Variants in MOV10 observed in about 807,000 individuals in gnomAD.
MOV10 encodes the protein RNA helicase MOV-10.
Under a neutral mutation model 108.4 loss-of-function variants are expected in MOV10, and 39 were observed. The ratio of observed to expected loss-of-function variants is 0.36; its 90% CI spans 0.28 to 0.47. MOV10 has a LOEUF of 0.47. MOV10 is among the 20% of genes least tolerant of loss of function. The pLI, the probability that MOV10 is intolerant of heterozygous loss-of-function variation, is 1.00. For missense variants in MOV10, 952 were observed against 1,297.6 expected, an observed-to-expected ratio of 0.73 and a Z score of 4.09; for synonymous variants, 490 against 523.1, an observed-to-expected ratio of 0.94 and a Z score of 0.86.
At chr1:112,681,392 G>A (rs1672638348) in intron 2 of MOV10, among the ~76,000 whole-genome samples, 1 of 152,042 alleles carries the variant, frequency 6.6e-6, no homozygotes, top group Non-Finnish European at 1.5e-5. Context: ...TACTCGGGAG[G>A]CTGAGGCAGG....
At chr1:112,682,477 C>T (rs375662425) in intron 2 of MOV10, among the ~76,000 whole-genome samples, 3 of 152,106 alleles carry the variant, frequency 2.0e-5, no homozygotes, top group African/African-American at 4.8e-5. Flanking sequence ...ACCACTGTGC[C>T]GGGCCTTTAA....
In MOV10 at chr1:112,675,443, G is replaced by A. The variant is rs533593793; in HGVS notation, c.137+394G>A. Among the ~76,000 whole-genome samples the A allele has an allele frequency of 1.8e-4, 28 of 152,352 alleles. No individual in the cohort carries two copies. The highest frequency in any genetic ancestry group is 6.5e-4 in the African/African-American group (27 of 41,592). ...AGGCATCGCGGGAGCGCGGGTTAGA[G>A]GCTGCCTGTTGGGGGCTGCGAGCCC... On this transcript the variant is annotated intron_variant, in intron 2 of 20. Coordinates refer to ENST00000369645, the MANE Select transcript of MOV10 (RefSeq NM_001321324.2). This position sits in a 1 kb window ranked among gnomAD's most constrained non-coding sequence, Gnocchi z 4.7.
At chr1:112,696,605 T>C (rs769530814) in intron 13 of MOV10, 25 bp from the exon 14 acceptor site, 2 of 1,613,542 alleles carry the variant, frequency 1.2e-6, no homozygotes, top group South Asian at 1.1e-5. Flanking sequence ...CTTACCTTTC[T>C]TCCCACACCT....
intron 16 of MOV10, 57 bp from the exon 17 acceptor site, chr1:112,698,658 C>A: frequency 6.4e-7 from 1 of 1,556,518 alleles, no homozygotes; most frequent in Non-Finnish European, 8.9e-7. Context: ...TCCTGCCAGG[C>A]TCCCTCTTGC....
At chr1:112,676,080 T>C (rs959816592) in intron 2 of MOV10, among the ~76,000 whole-genome samples, 4 of 152,206 alleles carry the variant, frequency 2.6e-5, no homozygotes, top group Non-Finnish European at 4.4e-5. Context: ...TCGTTTTCAC[T>C]AATGGTTATC....
chr1:112,698,500 A>G (rs1192177563), intron 16 of MOV10, 22 bp downstream of exon 16: 1 of 1,610,642 alleles, frequency 6.2e-7, no homozygotes, highest in Admixed American at 1.7e-5. Flanking sequence ...AGTTACCAGC[A>G]AGGGTGGGGC....
At position 112,694,928 on chromosome 1, in the gene MOV10, CT is replaced by C. The variant is rs1275990593; in HGVS notation, c.1620+33del. On this transcript the variant is annotated intron_variant, in intron 10 of 20. Transcript: ENST00000369645. The surrounding 1 kb of genome is among the most constrained non-coding windows in gnomAD (Gnocchi z 4.1). Reference sequence around the variant, plus strand: ...TCTGAGCACAAACCTGGGGCCTGCACTCTGATTCCCCCAGCACCAAGCAGTT... The same window carrying C: ...TCTGAGCACAAACCTGGGGCCTGCACCTGATTCCCCCAGCACCAAGCAGTT... 3 of 1,599,254 alleles carry C rather than the reference CT, an allele frequency of 1.9e-6. No homozygotes were observed. Among genetic ancestry groups the C allele is most frequent in the Non-Finnish European group, 2.6e-6 (3 of 1,170,114 alleles).
intron 17 of MOV10, chr1:112,699,246 T>C: frequency 4.4e-6 from 1 of 226,738 alleles, no homozygotes; most frequent in Non-Finnish European, 8.6e-6. Context: ...TGGTAGTTTT[T>C]ACAGCTTCTC....
intron 3 of MOV10, 94 bp downstream of exon 3, chr1:112,689,232 G>A: frequency 7.4e-7 from 1 of 1,358,248 alleles, no homozygotes; most frequent in South Asian, 1.3e-5. Flanking sequence ...TTACACAAGT[G>A]GGAATAAGTC....
At chr1:112,681,241 C>G (rs568570676) in intron 2 of MOV10, among the ~76,000 whole-genome samples, 1 of 152,074 alleles carries the variant, frequency 6.6e-6, no homozygotes, top group Non-Finnish European at 1.5e-5. Flanking sequence ...CCTGTAATCC[C>G]AGCACTTTGG....
chr1:112,690,927 A>T (rs1673523710), intron 5 of MOV10, among the ~76,000 whole-genome samples: 1 of 152,220 alleles, frequency 6.6e-6, no homozygotes, highest in African/African-American at 2.4e-5. Flanking sequence ...ATGGAAGCGT[A>T]GGATATGTGT....
chr1:112,689,978 C>A lies in MOV10; in HGVS notation c.716C>A (p.Ala239Asp). The change falls in exon 5 of 21, where the codon GCT becomes GAT. Residue 239 changes from alanine to aspartate, a missense_variant. This residue lies in a region of MOV10 where 374 missense variants were observed against 468.6 expected (regional missense o/e 0.80). Coordinates refer to ENST00000369645, the MANE Select transcript of MOV10 (RefSeq NM_001321324.2). ...AGTFYIARFL[A>D]AVAHSPLAAQ... The stretch of plus-strand genomic sequence containing the variant: ...ACATTCTACATTGCCCGCTTCTTGG[C>A]TGCCGTCGCCCACAGCCCCCTGGCT... The A allele has an allele frequency of 6.2e-7, 1 of 1,614,146 alleles. No individual in the cohort carries two copies. The highest frequency in any genetic ancestry group is 8.5e-7 in the Non-Finnish European group (1 of 1,180,042).
chr1:112,695,493 G>T lies in MOV10; in HGVS notation c.1698G>T (p.Arg566Ser), dbSNP rs773296247. Residue 566 changes from arginine (R) to serine (S), a missense_variant, in exon 11 of 21, where the codon AGG becomes AGT. Physicochemically the swap from Arg to Ser is moderately radical, Grantham distance 110. This residue lies in a region of MOV10 where 453 missense variants were observed against 611.5 expected (regional missense o/e 0.74). Coordinates refer to ENST00000369645, the MANE Select transcript of MOV10 (RefSeq NM_001321324.2). ...SNSGADLLCQ[R>S]LRVHLPSSIY... ...CAGGGGCTGACCTACTCTGTCAAAGGCTCCGGGTCCACCTTCCTAGCTCCA... is the reference window on the plus strand; with the variant it reads ...CAGGGGCTGACCTACTCTGTCAAAGTCTCCGGGTCCACCTTCCTAGCTCCA... 3.1e-6 allele frequency: 5 copies of T among 1,614,202 alleles called. No individual in the cohort carries two copies. The highest frequency in any genetic ancestry group is 1.3e-5 in the African/African-American group (1 of 75,052).
Position 112,696,633 on chromosome 1 carries a change from T to A in MOV10, c.1985T>A (p.Leu662Gln). 1 of 1,612,884 alleles carries A rather than the reference T, an allele frequency of 6.2e-7. No individual in the cohort carries two copies. The highest frequency in any genetic ancestry group is 8.5e-7 in the Non-Finnish European group (1 of 1,179,444). Residue 662 changes from leucine to glutamine, a missense_variant, in exon 14 of 21, where the codon CTG becomes CAG. Around this residue, in one of 5 missense-constraint regions of MOV10, gnomAD observed 453 missense variants for 611.5 expected, o/e 0.74. Coordinates refer to ENST00000369645, the MANE Select transcript of MOV10 (RefSeq NM_001321324.2). ...CCACACCTCTTCTGCTTCCCAGGGC[T>A]GATGGAAGTAAAGGAAACAGGTGAT... ...EPESLVAIAG[L>Q]MEVKETGDPG...
At chr1:112,687,744 A>G (rs1375221283) in intron 2 of MOV10, among the ~76,000 whole-genome samples, 2 of 152,124 alleles carry the variant, frequency 1.3e-5, no homozygotes, top group Admixed American at 1.3e-4. Context: ...GCACTGTGCT[A>G]AGTGGTTCTC....
intron 2 of MOV10, chr1:112,686,883 A>G (rs1039180767): frequency 6.6e-6 from 3 of 455,516 alleles, no homozygotes; most frequent in Non-Finnish European, 1.3e-5. Context: ...CTGTATCTCT[A>G]CCCACTGCCT....
upstream of MOV10, chr1:112,674,580 A>C: frequency 5.0e-6 from 1 of 200,000 alleles, no homozygotes; most frequent in Middle Eastern, 1.8e-3. Context: ...GAGGGCCCCA[A>C]GCGGTAGCCA....
Position 112,698,806 on chromosome 1 carries a change from C to A in MOV10, c.2583+17C>A, listed in dbSNP as rs1193608179. The A allele has an allele frequency of 1.2e-6, 2 of 1,607,252 alleles. No individual in the cohort carries two copies. Among genetic ancestry groups the A allele is most frequent in the Non-Finnish European group, 1.7e-6 (2 of 1,173,854 alleles). On this transcript the variant is annotated intron_variant, in intron 17 of 20. Transcript: ENST00000369645. ...GACTTGAAGGTGACATGCTGTTCCA[C>A]AGTCACTCCCTGCCTTCCGTGTGCC...
intron 2 of MOV10, among the ~76,000 whole-genome samples, chr1:112,682,702 A>G (rs938552724): frequency 6.6e-6 from 1 of 152,188 alleles, no homozygotes; most frequent in Non-Finnish European, 1.5e-5. Flanking sequence ...TGTTCTAGAA[A>G]TTCATTTAAT....
Sources: gnomAD v4.1 joint callset for allele counts (sites outside exome capture counted in the v4.1 genomes callset) on GRCh38, gnomAD v4.1.1 for gene constraint, gnomAD v4.1.1 regional missense constraint, Gnocchi (gnomAD v3.1) non-coding constraint, MANE v1.5 for transcripts, NCBI Gene and HGNC (gene_info 2026-07-23, HGNC 2026-07-21) for gene names.